Variants in RGPD2 observed in about 807,000 individuals in gnomAD.
RGPD2 encodes RANBP2-like and GRIP domain-containing protein 2.
RGPD2 carries 2 observed loss-of-function variants against 36.0 expected under a neutral mutation model. The ratio of observed to expected loss-of-function variants is 0.06; its 90% CI spans 0.02 to 0.17. The LOEUF (loss-of-function observed/expected upper bound fraction) is 0.17, where lower values mean the gene tolerates loss of function less well. Among genes scored for constraint, RGPD2 ranks in the 10% least tolerant of loss-of-function variants. RGPD2 has a pLI of 1.00. For missense variants in RGPD2, 40 were observed against 464.3 expected, an observed-to-expected ratio of 0.09 and a Z score of 8.40; for synonymous variants, 19 against 163.8, an observed-to-expected ratio of 0.12 and a Z score of 6.75.
chr2:87,857,288 G>C, the RGPD2 span, among the ~76,000 whole-genome samples: 2 of 152,012 alleles, frequency 1.3e-5, no homozygotes, highest in African/African-American at 4.8e-5. Flanking sequence ...TACTAAATAA[G>C]TAATGTTTAA....
At chr2:87,861,134 GT>G in the RGPD2 span, among the ~76,000 whole-genome samples, 234 of 116,608 alleles carry the variant, frequency 2.0e-3, no homozygotes, top group African/African-American at 5.1e-3. Flanking sequence ...TTGTGTAAGT[GT>G]TTTTTTTTTT....
the RGPD2 span, among the ~76,000 whole-genome samples, chr2:87,860,803 C>T: frequency 6.6e-6 from 1 of 152,058 alleles, no homozygotes; most frequent in African/African-American, 2.4e-5. Flanking sequence ...TGGTTTTACA[C>T]CCAAGAAAAA....
chr2:87,905,283 G>C, the RGPD2 span, among the ~76,000 whole-genome samples: 1 of 152,240 alleles, frequency 6.6e-6, no homozygotes, highest in South Asian at 2.1e-4. Flanking sequence ...TAGATATTCA[G>C]AGCACATTCT....
At chr2:87,967,365 G>A in the RGPD2 span, among the ~76,000 whole-genome samples, 852 of 148,032 alleles carry the variant, frequency 5.8e-3, 20 homozygotes, top group Admixed American at 0.01. Context: ...CCGAGATTGC[G>A]CCACTGCACC....
chr2:87,918,613 C>T, the RGPD2 span, among the ~76,000 whole-genome samples: 14 of 152,044 alleles, frequency 9.2e-5, no homozygotes, highest in Admixed American at 7.9e-4. Context: ...GAAATGTTTG[C>T]ATCTGCTTTC....
the RGPD2 span, chr2:87,972,784 C>A: frequency 6.2e-7 from 1 of 1,611,688 alleles, no homozygotes; most frequent in Non-Finnish European, 8.5e-7. Flanking sequence ...GTGGTCACTG[C>A]TGCAGGGAGA....
At chr2:87,935,626 T>A in the RGPD2 span, among the ~76,000 whole-genome samples, 1 of 151,296 alleles carries the variant, frequency 6.6e-6, no homozygotes, top group Non-Finnish European at 1.5e-5. Context: ...TTGTGGAGAC[T>A]GGATTAGAGA....
chr2:87,847,478 A>G, the RGPD2 span, among the ~76,000 whole-genome samples: 1 of 148,020 alleles, frequency 6.8e-6, no homozygotes, highest in African/African-American at 2.5e-5. Context: ...TGAGCTAAGT[A>G]TTTGACATAA....
the RGPD2 span, among the ~76,000 whole-genome samples, chr2:87,932,747 A>T: frequency 2.0e-5 from 3 of 152,048 alleles, no homozygotes; most frequent in South Asian, 4.1e-4. Flanking sequence ...TGGGTTGGAG[A>T]TTCTTTCTTT....
At chr2:87,948,382 CT>C in the RGPD2 span, among the ~76,000 whole-genome samples, 463 of 139,128 alleles carry the variant, frequency 3.3e-3, no homozygotes, top group South Asian at 8.9e-3. Flanking sequence ...TTATTGTGTG[CT>C]TTTTTTTTTT....
the RGPD2 span, among the ~76,000 whole-genome samples, chr2:87,970,530 A>AT: frequency 6.8e-6 from 1 of 148,028 alleles, no homozygotes; most frequent in African/African-American, 2.5e-5. Context: ...AAGATTACTA[A>AT]TATTTCTGAG....
At chr2:87,930,931 C>T in the RGPD2 span, among the ~76,000 whole-genome samples, 1 of 129,238 alleles carries the variant, frequency 7.7e-6, no homozygotes, top group Non-Finnish European at 1.6e-5. Flanking sequence ...TCCCTTTTGT[C>T]ATTTCTGATT....
intron 7 of RGPD2, among the ~76,000 whole-genome samples, chr2:87,805,654 T>C (rs1168609083): frequency 1.3e-5 from 2 of 151,844 alleles, no homozygotes; most frequent in Non-Finnish European, 2.9e-5. Flanking sequence ...GGTCAGGAGA[T>C]TGAGACCATC....
At chr2:87,824,735 A>C (rs1209331129) in intron 1 of RGPD2, among the ~76,000 whole-genome samples, 6 of 90,534 alleles carry the variant, frequency 6.6e-5, no homozygotes, top group Admixed American at 1.1e-4. Flanking sequence ...CCGCCCGGCC[A>C]GGCCGAGGCC....
chr2:87,915,276 A>G, the RGPD2 span, among the ~76,000 whole-genome samples: 1,119 of 75,434 alleles, frequency 0.015, 28 homozygotes, highest in East Asian at 0.17. Flanking sequence ...GTGTGTGTGT[A>G]TATATATATA....
In RGPD2 at chr2:87,772,776, C is replaced by T. The variant is rs533115886; in HGVS notation, c.5041-412G>A. Among the ~76,000 whole-genome samples, 14 of 147,804 alleles carry T rather than the reference C, an allele frequency of 9.5e-5. No homozygotes were observed. The East Asian group carries it at 1.0e-3, about 11-fold the overall frequency. On this transcript the variant is annotated intron_variant, in intron 21 of 22. Transcript: ENST00000398146. ...ATGAGATAACGTCAAGACATTCTCA[C>T]GAGAAACAGATGAAGAGGTGGAAAT...
At chr2:87,909,288 T>C in the RGPD2 span, among the ~76,000 whole-genome samples, 1 of 146,178 alleles carries the variant, frequency 6.8e-6, no homozygotes, top group South Asian at 2.2e-4. Flanking sequence ...GTACAGATAT[T>C]ACTAATGCCC....
chr2:87,825,515 C>CGAG (rs1686728181), intron 1 of RGPD2, 143 bp downstream of exon 1: 1 of 392,990 alleles, frequency 2.5e-6, no homozygotes, highest in African/African-American at 3.7e-5. Flanking sequence ...AGGCCGAGGC[C>CGAG]GCCGCCCGGC....
the RGPD2 span, among the ~76,000 whole-genome samples, chr2:87,877,441 T>G: frequency 1.3e-5 from 2 of 152,392 alleles, no homozygotes; most frequent in East Asian, 3.9e-4. Flanking sequence ...AAAAGGAGCT[T>G]ATTTCTCCTT....
Sources: allele counts gnomAD v4.1 joint callset (sites outside exome capture counted in the v4.1 genomes callset), GRCh38; gene constraint gnomAD v4.1.1; transcripts MANE v1.5; gene names NCBI Gene and HGNC (gene_info 2026-07-23, HGNC 2026-07-21).